Variants in PI4KA observed in about 807,000 individuals in gnomAD.
PI4KA encodes PI4-kinase alpha.
PI4KA carries 122 observed loss-of-function variants against 271.4 expected under a neutral mutation model. That is an observed-to-expected ratio of 0.45 (90% CI 0.39 to 0.52). The LOEUF is 0.52. Ranked by LOEUF, PI4KA falls within the 20% of genes least tolerant of loss-of-function variation. The probability of loss-of-function intolerance (pLI) is 0.00; values close to 1 mark genes in which losing one functional copy is unlikely to be tolerated. For missense variants in PI4KA, 1,969 were observed against 2,769.1 expected (o/e 0.71, Z 6.48); for synonymous variants, 1,041 against 1,078.8 (o/e 0.96, Z 0.69).
At chr22:20,751,554 G>T in intron 26 of PI4KA, 120 bp downstream of exon 26, 2 of 1,000,446 alleles carry the variant, frequency 2.0e-6, no homozygotes, top group Non-Finnish European at 3.1e-6. Context: ...GACACCTGTA[G>T]CATTAATTAT....
intron 11 of PI4KA, 116 bp from the exon 12 acceptor site, chr22:20,804,516 G>C: frequency 1.4e-6 from 1 of 736,570 alleles, no homozygotes; most frequent in Non-Finnish European, 2.4e-6. Context: ...ACTTTAGGCA[G>C]GGCTTATTCA....
intron 29 of PI4KA, among the ~76,000 whole-genome samples, chr22:20,746,594 C>A (rs570146050): frequency 1.8e-4 from 28 of 152,346 alleles, no homozygotes; most frequent in Admixed American, 1.7e-3. Context: ...TAAACACTTA[C>A]AGTCTATGAG....
chr22:20,742,397 C>G, intron 31 of PI4KA, 42 bp from the exon 32 acceptor site: 1 of 1,603,146 alleles, frequency 6.2e-7, no homozygotes, highest in East Asian at 2.2e-5. Flanking sequence ...CCAACAACAG[C>G]TGAACCCCAA....
intron 1 of PI4KA, among the ~76,000 whole-genome samples, chr22:20,842,450 T>G (rs941882287): frequency 1.3e-5 from 2 of 152,196 alleles, no homozygotes; most frequent in Admixed American, 6.5e-5. Flanking sequence ...AATTGGTCAC[T>G]GGTAATTAAA....
At chr22:20,827,348 GAT>G (rs1259988327) in intron 3 of PI4KA, among the ~76,000 whole-genome samples, 1 of 152,164 alleles carries the variant, frequency 6.6e-6, no homozygotes, top group East Asian at 1.9e-4. Context: ...CTCTGTTGAA[GAT>G]CAGATGGTTC....
intron 1 of PI4KA, among the ~76,000 whole-genome samples, chr22:20,839,152 G>T (rs773587770): frequency 6.6e-6 from 1 of 152,196 alleles, no homozygotes; most frequent in Non-Finnish European, 1.5e-5. Flanking sequence ...AGGAGACAGA[G>T]GTTGTAGTGA....
chr22:20,844,780 G>C (rs1050257506), intron 1 of PI4KA, among the ~76,000 whole-genome samples: 1 of 152,034 alleles, frequency 6.6e-6, no homozygotes, highest in Non-Finnish European at 1.5e-5. Context: ...CCTCACAACA[G>C]CTCATTAGGT....
chr22:20,801,725 A>C (rs1935343051), intron 14 of PI4KA, among the ~76,000 whole-genome samples: 1 of 151,426 alleles, frequency 6.6e-6, no homozygotes. Context: ...CTCTACTAAA[A>C]ATACAAAAAT....
In PI4KA at chr22:20,811,009, A is replaced by G; in HGVS notation, c.1029T>C (p.Ala343=). 1 of 1,613,766 alleles carries G rather than the reference A, an allele frequency of 6.2e-7. No individual in the cohort carries two copies. Residue 343 remains alanine, a synonymous_variant, in exon 9 of 55, where the codon GCT becomes GCC. Coordinates refer to ENST00000255882, the MANE Select transcript of PI4KA (RefSeq NM_058004.4). Reference sequence around the variant, plus strand: ...CAATGGCATCCAAAGATTTGAGAACAGCCTCCTCAACGATCTTCTTCACCT... The same window carrying G: ...CAATGGCATCCAAAGATTTGAGAACGGCCTCCTCAACGATCTTCTTCACCT... The part of the protein sequence containing the change: ...LNLVKKIVEE[A]VLKSLDAIVA...
chr22:20,755,478 G>A (rs1449946700), intron 23 of PI4KA, among the ~76,000 whole-genome samples: 3 of 152,154 alleles, frequency 2.0e-5, no homozygotes, highest in Admixed American at 2.0e-4. Flanking sequence ...TATGCTCATT[G>A]TTACAGAGGT....
In PI4KA at chr22:20,718,718, T is replaced by A. The variant is rs1342095191; in HGVS notation, c.5221A>T (p.Ile1741Phe). The change falls in exon 44 of 55, where the codon ATC (isoleucine) becomes TTC (phenylalanine). Residue 1741 changes from isoleucine to phenylalanine, a missense_variant. Transcript: ENST00000255882. ...TTGATGATAGCCGACACGTTGGTGATCTTGTTAAAGAAATCAAACTCCCGC... is the reference window on the plus strand; with the variant it reads ...TTGATGATAGCCGACACGTTGGTGAACTTGTTAAAGAAATCAAACTCCCGC... The part of the protein sequence containing the change: ...YQREFDFFNK[I>F]TNVSAIIKPY... 6.2e-7 allele frequency: 1 copy of A among 1,613,632 alleles called. No homozygotes were observed. The highest frequency in any genetic ancestry group is 1.3e-5 in the African/African-American group (1 of 74,910).
intron 1 of PI4KA, among the ~76,000 whole-genome samples, chr22:20,839,845 A>G (rs1925332820): frequency 1.3e-5 from 2 of 152,204 alleles, no homozygotes; most frequent in African/African-American, 4.8e-5. Context: ...AAAAAAAATC[A>G]AATGTGTGAA....
intron 51 of PI4KA, 50 bp from the exon 52 acceptor site, chr22:20,710,908 C>G (rs766713373): frequency 2.6e-5 from 41 of 1,604,344 alleles, no homozygotes; most frequent in Non-Finnish European, 3.4e-5. Flanking sequence ...CCAGGGCGGG[C>G]AAGGACAAGT....
At chr22:20,765,522 C>G (rs1470788456) in intron 20 of PI4KA, 63 bp downstream of exon 20, 7 of 1,122,678 alleles carry the variant, frequency 6.2e-6, no homozygotes, top group African/African-American at 1.5e-5. Context: ...TACGTGGGCT[C>G]TGACCTCACC....
intron 11 of PI4KA, 142 bp from the exon 12 acceptor site, chr22:20,804,542 C>T (rs1012636978): frequency 2.0e-5 from 13 of 654,012 alleles, no homozygotes; most frequent in Non-Finnish European, 3.3e-5. Context: ...AGAGGTCACA[C>T]AGTGTGTGAC....
intron 32 of PI4KA, among the ~76,000 whole-genome samples, chr22:20,736,192 G>A (rs559412214): frequency 3.1e-4 from 47 of 152,102 alleles, no homozygotes; most frequent in Non-Finnish European, 6.5e-4. Flanking sequence ...TGAGGCGCAA[G>A]GCACGGCCAT....
At chr22:20,714,988 C>T (rs1239115334) in intron 45 of PI4KA, among the ~76,000 whole-genome samples, 1 of 152,176 alleles carries the variant, frequency 6.6e-6, no homozygotes, top group East Asian at 1.9e-4. Context: ...ACGGATACAG[C>T]CCTACTGCTT....
intron 1 of PI4KA, among the ~76,000 whole-genome samples, chr22:20,849,863 T>A (rs934804399): frequency 3.3e-5 from 5 of 151,322 alleles, no homozygotes; most frequent in Non-Finnish European, 7.4e-5. Context: ...CAAAAAAAAA[T>A]AAAAATAAAA....
rs1473615419 is a variant in PI4KA, at chr22:20,712,552, T to G, written c.5736A>C (p.Thr1912=). The change falls in exon 50 of 55, where the codon ACA becomes ACC. Residue 1912 remains threonine (T), a synonymous_variant. Coordinates refer to ENST00000255882, the MANE Select transcript of PI4KA (RefSeq NM_058004.4). ...TGAAGTAGTCGTACATGCCGAAGTC[T>G]GTCTGGCGGCCCAGCTGGTCCCGGG... ...CTSRDQLGRQ[T]DFGMYDYFTR... The G allele has an allele frequency of 3.8e-6, 6 of 1,595,982 alleles. No homozygotes were observed. In the Admixed American group the frequency reaches 7.0e-5, roughly 19 times the overall value.
Sources: gnomAD v4.1 joint callset for allele counts (sites outside exome capture counted in the v4.1 genomes callset) on GRCh38, gnomAD v4.1.1 for gene constraint, MANE v1.5 for transcripts, NCBI Gene and HGNC (gene_info 2026-07-23, HGNC 2026-07-21) for gene names.